The following CFAP206 variants were observed in gnomAD, a reference collection of about 807,000 sequenced individuals.
CFAP206 encodes the protein cilia- and flagella-associated protein 206.
Under a neutral mutation model 65.4 loss-of-function variants are expected in CFAP206, and 53 were observed. The ratio of observed to expected loss-of-function variants is 0.81; its 90% CI spans 0.65 to 1.02. The LOEUF is 1.02. Among genes scored for constraint, CFAP206 ranks in the 50% least tolerant of loss-of-function variants. The pLI is 0.00. For synonymous variants in CFAP206, 250 were observed against 254.4 expected, an observed-to-expected ratio of 0.98 and a Z score of 0.17; for missense variants, 663 against 753.2, an observed-to-expected ratio of 0.88 and a Z score of 1.40.
rs775830133 is a variant in CFAP206 at position 87,416,802 on chromosome 6, A to G, written c.606A>G (p.Gly202=). 2 of 1,613,602 alleles carry G rather than the reference A, an allele frequency of 1.2e-6. No homozygotes were observed. The highest frequency in any genetic ancestry group is 1.7e-6 in the Non-Finnish European group (2 of 1,179,652). ...TTCGTTTATTTAACAGAGACTGTGG[A>G]AAAGGAGGAGAAGGCATTGATGATT... The part of the protein sequence containing the change: ...TGIRLFNRDC[G]KGGEGIDDLP... The change falls in exon 6 of 13, where the codon GGA becomes GGG. Residue 202 remains glycine (G), a synonymous_variant. Coordinates refer to ENST00000369562, the MANE Select transcript of CFAP206 (RefSeq NM_001031743.3).
chr6:87,434,099 CA>C (rs34579488), intron 10 of CFAP206, among the ~76,000 whole-genome samples: 3 of 142,282 alleles, frequency 2.1e-5, no homozygotes, highest in Non-Finnish European at 3.1e-5. Flanking sequence ...GACTTCGTCT[CA>C]AAAAAAAAAG....
chr6:87,450,073 G>C (rs910213668), intron 11 of CFAP206, among the ~76,000 whole-genome samples: 1 of 152,140 alleles, frequency 6.6e-6, no homozygotes, highest in African/African-American at 2.4e-5. Flanking sequence ...TTATTGAGGA[G>C]ACTGTCCTTT....
intron 11 of CFAP206, chr6:87,441,920 T>C: frequency 3.4e-6 from 1 of 297,840 alleles, no homozygotes; most frequent in Non-Finnish European, 6.6e-6. Flanking sequence ...GTCTTCCAAA[T>C]AAAATGTCTC....
At chr6:87,436,084 CTTT>C (rs561462279) in intron 11 of CFAP206, 107 of 124,076 alleles carry the variant, frequency 8.6e-4, no homozygotes, top group Middle Eastern at 4.6e-3. Flanking sequence ...CTGTTGTTTC[CTTT>C]TTTTTTTTTT....
chr6:87,444,939 T>G, intron 11 of CFAP206: 6 of 531,070 alleles, frequency 1.1e-5, no homozygotes, highest in Non-Finnish European at 2.2e-5. Context: ...GAATCAGGAT[T>G]TATTTCAATG....
chr6:87,444,257 G>T, intron 11 of CFAP206: 1 of 185,810 alleles, frequency 5.4e-6, no homozygotes, highest in East Asian at 1.4e-4. Context: ...TTGGGGTAGA[G>T]GGGTGGGGAT....
intron 11 of CFAP206, among the ~76,000 whole-genome samples, chr6:87,439,789 T>C (rs1342875500): frequency 1.3e-5 from 2 of 152,130 alleles, no homozygotes; most frequent in Non-Finnish European, 2.9e-5. Context: ...ATTTGTTTAA[T>C]AGTCTCTCCT....
rs1230294730 is a variant in CFAP206 at position 87,431,071 on chromosome 6, T to C, written c.1198T>C (p.Trp400Arg). 1 of 1,613,914 alleles carries C rather than the reference T, an allele frequency of 6.2e-7. No individual in the cohort carries two copies. The highest frequency in any genetic ancestry group is 1.3e-5 in the African/African-American group (1 of 74,934). ...TGTGGCAGATTTCAGAAAACTAGAATGGCTTTTCCCAGAAACAACAGCAAA... is the reference window on the plus strand; with the variant it reads ...TGTGGCAGATTTCAGAAAACTAGAACGGCTTTTCCCAGAAACAACAGCAAA... Reference protein sequence around the residue: ...VNVADFRKLEWLFPETTANFD... With the variant: ...VNVADFRKLERLFPETTANFD... The change falls in exon 10 of 13, where the codon TGG (tryptophan) becomes CGG (arginine). Residue 400 changes from tryptophan to arginine, a missense_variant. Coordinates refer to ENST00000369562, the MANE Select transcript of CFAP206 (RefSeq NM_001031743.3).
intron 7 of CFAP206, among the ~76,000 whole-genome samples, chr6:87,422,004 T>C (rs1288525643): frequency 6.6e-6 from 1 of 152,114 alleles, no homozygotes; most frequent in African/African-American, 2.4e-5. Context: ...GAAGAAAGTA[T>C]GAGGAACTTA....
chr6:87,438,446 C>T (rs113933716), intron 11 of CFAP206, among the ~76,000 whole-genome samples: 5 of 123,772 alleles, frequency 4.0e-5, no homozygotes, highest in African/African-American at 1.3e-4. Context: ...GGCAACAGAG[C>T]GAGACTCTTG....
At chr6:87,409,057 G>A (rs1395926000) in intron 1 of CFAP206, among the ~76,000 whole-genome samples, 1 of 152,072 alleles carries the variant, frequency 6.6e-6, no homozygotes, top group Non-Finnish European at 1.5e-5. Context: ...TATTTTAGAT[G>A]TGCGGAAAAG....
chr6:87,413,604 C>G (rs578215261), intron 3 of CFAP206, among the ~76,000 whole-genome samples: 3 of 151,856 alleles, frequency 2.0e-5, no homozygotes, highest in Admixed American at 2.0e-4. Flanking sequence ...CTTGTACCCC[C>G]TAAATCTATA....
chr6:87,446,361 T>G (rs1768440682), intron 11 of CFAP206, among the ~76,000 whole-genome samples: 1 of 152,212 alleles, frequency 6.6e-6, no homozygotes, highest in South Asian at 2.1e-4. Context: ...ATTTAAGTCT[T>G]TAATCCATCT....
At chr6:87,449,930 G>A (rs1315316345) in intron 11 of CFAP206, among the ~76,000 whole-genome samples, 1 of 152,080 alleles carries the variant, frequency 6.6e-6, no homozygotes, top group Non-Finnish European at 1.5e-5. Context: ...TCTTCCAGTA[G>A]TTTCTTCCAG....
At chr6:87,413,923 A>G (rs1582131908) in intron 4 of CFAP206, 23 bp downstream of exon 4, 5 of 1,259,878 alleles carry the variant, frequency 4.0e-6, no homozygotes, top group South Asian at 1.8e-5. Flanking sequence ...ACCTATTTTT[A>G]TACTTAAAAA....
At chr6:87,422,268 G>A (rs1767954063) in intron 7 of CFAP206, among the ~76,000 whole-genome samples, 2 of 151,430 alleles carry the variant, frequency 1.3e-5, no homozygotes, top group African/African-American at 4.9e-5. Flanking sequence ...GGCTAACATG[G>A]TGAAACCCCA....
At position 87,413,024 on chromosome 6, in the gene CFAP206, A is replaced by G. The variant is rs527391417; in HGVS notation, c.193-786A>G. ...AGGCACAAATAAATAGTAATGAGGA[A>G]CTCTAGAAGAGTTTTAGACTGGAAT... On this transcript the variant is annotated intron_variant, in intron 3 of 12. Transcript: ENST00000369562. 4.2e-4 allele frequency among the ~76,000 whole-genome samples: 63 copies of G among 151,338 alleles called. 1 individual carries two copies. Among genetic ancestry groups the G allele is most frequent in the African/African-American group, 1.4e-3 (58 of 40,638 alleles).
At chr6:87,441,290 G>A (rs1768356603) in intron 11 of CFAP206, 1 of 161,564 alleles carries the variant, frequency 6.2e-6, no homozygotes, top group East Asian at 1.8e-4. Context: ...AAGGTAGTGA[G>A]TGACATTTAA....
At chr6:87,440,994 G>A (rs1019035705) in intron 11 of CFAP206, among the ~76,000 whole-genome samples, 1 of 152,292 alleles carries the variant, frequency 6.6e-6, no homozygotes, top group African/African-American at 2.4e-5. Flanking sequence ...GATATAGTAT[G>A]TAGCTCTTTG....
Sources: gnomAD v4.1 joint callset for allele counts (sites outside exome capture counted in the v4.1 genomes callset) on GRCh38, gnomAD v4.1.1 for gene constraint, MANE v1.5 for transcripts, NCBI Gene and HGNC (gene_info 2026-07-23, HGNC 2026-07-21) for gene names.